MOSMO: variants seen among roughly 807,000 people sequenced by gnomAD.
MOSMO encodes the protein modulator of smoothened, also known as modulator of smoothened protein.
In MOSMO, 5 loss-of-function variants were observed where a neutral mutation model predicts 18.4. The ratio of observed to expected loss-of-function variants is 0.27; its 90% CI spans 0.14 to 0.57. MOSMO has a LOEUF of 0.57. Ranked by LOEUF, MOSMO falls within the 20% of genes least tolerant of loss-of-function variation. The pLI is 0.92. For missense variants in MOSMO, 138 were observed against 211.8 expected (o/e 0.65, Z 2.16); for synonymous variants, 82 against 82.3 (o/e 1.00, Z 0.02).
intron 1 of MOSMO, among the ~76,000 whole-genome samples, chr16:22,014,391 G>A (rs1313492268): frequency 6.6e-6 from 1 of 152,182 alleles, no homozygotes; most frequent in Non-Finnish European, 1.5e-5. Context: ...GTGAGGAAGA[G>A]TTTTCATTTT....
chr16:22,034,739 T>A (rs1900069146), intron 1 of MOSMO, among the ~76,000 whole-genome samples: 1 of 147,964 alleles, frequency 6.8e-6, no homozygotes, highest in Non-Finnish European at 1.5e-5. Context: ...TGTTTGTTTT[T>A]TTGGGTTTTT....
intron 2 of MOSMO, 65 bp downstream of exon 2, chr16:22,075,764 G>T: frequency 8.4e-7 from 1 of 1,190,944 alleles, no homozygotes; most frequent in Non-Finnish European, 1.2e-6. Context: ...TTTTTATGAA[G>T]ATAATCAAGA....
chr16:22,009,792 C>G (rs55904993), intron 1 of MOSMO, among the ~76,000 whole-genome samples: 1 of 106,568 alleles, frequency 9.4e-6, no homozygotes, highest in African/African-American at 3.9e-5. Flanking sequence ...AACCCCGTCT[C>G]TACTAAAAAT....
At chr16:22,069,118 C>T (rs1486223585) in intron 1 of MOSMO, among the ~76,000 whole-genome samples, 1 of 152,140 alleles carries the variant, frequency 6.6e-6, no homozygotes, top group Non-Finnish European at 1.5e-5. Flanking sequence ...AGGACAAGCA[C>T]TCAACTCAGG....
intron 1 of MOSMO, among the ~76,000 whole-genome samples, chr16:22,054,405 A>T (rs933937299): frequency 2.0e-5 from 3 of 152,116 alleles, no homozygotes; most frequent in Non-Finnish European, 2.9e-5. Flanking sequence ...CAGGAAGACA[A>T]ATTTTTGTTG....
chr16:22,074,679 A>G (rs968805921), intron 1 of MOSMO, among the ~76,000 whole-genome samples: 7 of 152,226 alleles, frequency 4.6e-5, no homozygotes, highest in African/African-American at 1.7e-4. Flanking sequence ...GTTTGACATG[A>G]GAACATCCTT....
chr16:22,008,492 G>A, intron 1 of MOSMO, 85 bp downstream of exon 1: 2 of 877,786 alleles, frequency 2.3e-6, no homozygotes, highest in Non-Finnish European at 3.2e-6. Context: ...GAGAGGACGG[G>A]GTGGAGGGTC....
In MOSMO at chr16:22,081,464, A is replaced by C. The variant is rs1351737468; in HGVS notation, c.*584A>C. The stretch of plus-strand genomic sequence containing the variant: ...AAACTTGTTTGCTAAAATGTATGTA[A>C]AAATTCTGAAATTCCCTCTCTCTGT... On this transcript the variant is annotated 3_prime_UTR_variant, in exon 3 of 3. Transcript: ENST00000542527. 11 of 146,680 alleles carry C rather than the reference A, an allele frequency of 7.5e-5. No homozygotes were observed. The highest frequency in any genetic ancestry group is 1.5e-4 in the Non-Finnish European group (10 of 67,158). The allele number at this position is 146,680 out of a possible 1,614,324, so 9.1% of individuals were successfully genotyped here.
At chr16:22,064,088 A>C (rs1900703651) in intron 1 of MOSMO, among the ~76,000 whole-genome samples, 2 of 152,290 alleles carry the variant, frequency 1.3e-5, no homozygotes, top group South Asian at 4.1e-4. Context: ...ATGATCTCTG[A>C]GATCCCTGCC....
chr16:22,012,873 A>G (rs758616721), intron 1 of MOSMO, among the ~76,000 whole-genome samples: 1 of 152,074 alleles, frequency 6.6e-6, no homozygotes, highest in Admixed American at 6.6e-5. Context: ...GAGAAAGTAC[A>G]TCCCTTTTAT....
chr16:22,041,317 G>A (rs1202864340), intron 1 of MOSMO, among the ~76,000 whole-genome samples: 1 of 152,144 alleles, frequency 6.6e-6, no homozygotes, highest in Admixed American at 6.5e-5. Flanking sequence ...ATAGTTTAGA[G>A]AGAGAGCAGA....
At chr16:22,031,513 A>G (rs1899993382) in intron 1 of MOSMO, among the ~76,000 whole-genome samples, 8 of 152,212 alleles carry the variant, frequency 5.3e-5, no homozygotes, top group Admixed American at 5.2e-4. Context: ...TGTACCTTTT[A>G]GCTAGCACCC....
intron 1 of MOSMO, among the ~76,000 whole-genome samples, chr16:22,008,834 C>T (rs1236759732): frequency 1.3e-5 from 2 of 151,266 alleles, no homozygotes; most frequent in Non-Finnish European, 2.9e-5. Flanking sequence ...GAGGCTAGGG[C>T]TGAGAGTGAG....
In MOSMO at chr16:22,083,597, G is replaced by A. The variant is rs1425329433; in HGVS notation, c.*2717G>A. On this transcript the variant is annotated 3_prime_UTR_variant, in exon 3 of 3. Coordinates refer to ENST00000542527, the MANE Select transcript of MOSMO (RefSeq NM_001164579.2). ...CAGTATTAATTTATAGCAGGAAATC[G>A]TATCTTGTAAACTGTATATAAAACA... The A allele has an allele frequency of 3.2e-5, 14 of 440,338 alleles. No individual in the cohort carries two copies. Among genetic ancestry groups the A allele is most frequent in the South Asian group, 9.9e-5 (6 of 60,532 alleles). The allele number at this position is 440,338 out of a possible 1,614,324, so 27.3% of individuals were successfully genotyped here. A position where few individuals can be genotyped will look rare whatever the true frequency, so the allele number is the denominator to read the frequency against.
chr16:22,008,271 G>T lies in MOSMO; in HGVS notation c.-31G>T. ...GGCGTGAGGCCGCTGCCTGTCCGGG[G>T]CTCGGGGGGTGGGGGGAGCGGGGCG... On this transcript the variant is annotated 5_prime_UTR_variant, in exon 1 of 3. Transcript: ENST00000542527. The T allele has an allele frequency of 6.9e-7, 1 of 1,439,598 alleles. No homozygotes were observed. Among genetic ancestry groups the T allele is most frequent in the Non-Finnish European group, 9.3e-7 (1 of 1,078,106 alleles). 89.2% of individuals were successfully genotyped at this position (1,439,598 alleles called of 1,614,324 possible).
chr16:22,017,728 C>A (rs1899669994), intron 1 of MOSMO, among the ~76,000 whole-genome samples: 1 of 152,112 alleles, frequency 6.6e-6, no homozygotes, highest in Admixed American at 6.6e-5. Context: ...ATAATATACC[C>A]TTACTGTGTA....
chr16:22,078,864 A>G (rs1441575053), intron 2 of MOSMO, among the ~76,000 whole-genome samples: 1 of 152,212 alleles, frequency 6.6e-6, no homozygotes, highest in Non-Finnish European at 1.5e-5. Context: ...CTATGCAACA[A>G]AAAAGCTAAA....
At chr16:22,069,673 C>T (rs1900810263) in intron 1 of MOSMO, among the ~76,000 whole-genome samples, 1 of 152,072 alleles carries the variant, frequency 6.6e-6, no homozygotes, top group Admixed American at 6.6e-5. Context: ...GTGAGCTTCA[C>T]AAGAGCTCTA....
At chr16:22,047,763 A>T (rs548230052) in intron 1 of MOSMO, among the ~76,000 whole-genome samples, 126 of 152,306 alleles carry the variant, frequency 8.3e-4, no homozygotes, top group African/African-American at 2.9e-3. Context: ...GGAAGCTGAC[A>T]CTGAGACAGA....
Sources: gnomAD v4.1 joint callset for allele counts (sites outside exome capture counted in the v4.1 genomes callset) on GRCh38, gnomAD v4.1.1 for gene constraint, MANE v1.5 for transcripts, NCBI Gene and HGNC (gene_info 2026-07-23, HGNC 2026-07-21) for gene names.